The following POLN variants were observed in gnomAD, a reference collection of about 807,000 sequenced individuals.
The protein encoded by POLN is DNA polymerase nu.
POLN carries 108 observed loss-of-function variants against 113.5 expected under a neutral mutation model. The ratio of observed to expected loss-of-function variants is 0.95; its 90% CI spans 0.81 to 1.12. The LOEUF (loss-of-function observed/expected upper bound fraction) is 1.12, where lower values mean the gene tolerates loss of function less well. POLN is among the 50% of genes most tolerant of loss of function. The pLI is 0.00. For synonymous variants in POLN, 386 were observed against 391.5 expected, an observed-to-expected ratio of 0.99 and a Z score of 0.17; for missense variants, 1,097 against 1,077.1, an observed-to-expected ratio of 1.02 and a Z score of -0.26.
At chr4:2,155,420 G>T (rs1473453375) in intron 16 of POLN, among the ~76,000 whole-genome samples, 3 of 152,150 alleles carry the variant, frequency 2.0e-5, no homozygotes, top group Non-Finnish European at 4.4e-5. Flanking sequence ...GCACCCAAGA[G>T]GCCACACGAT....
intron 2 of POLN, chr4:2,232,295 G>T: frequency 4.1e-6 from 2 of 484,476 alleles, no homozygotes; most frequent in South Asian, 3.7e-5. Context: ...AATAAACCTC[G>T]ATTTAAAATC....
chr4:2,201,787 A>G (rs1011993671), intron 5 of POLN, among the ~76,000 whole-genome samples: 11 of 152,220 alleles, frequency 7.2e-5, no homozygotes, highest in African/African-American at 2.7e-4. Context: ...AAGAATCTTA[A>G]GAGCTATGAG....
At chr4:2,183,819 TTA>T (rs1210190100) in intron 7 of POLN, among the ~76,000 whole-genome samples, 2 of 152,160 alleles carry the variant, frequency 1.3e-5, no homozygotes, top group Non-Finnish European at 2.9e-5. Context: ...TGGTATGAAA[TTA>T]TATCTTAATA....
At chr4:2,105,281 T>C (rs1731035997) in intron 19 of POLN, among the ~76,000 whole-genome samples, 1 of 152,164 alleles carries the variant, frequency 6.6e-6, no homozygotes, top group African/African-American at 2.4e-5. Context: ...TTATCATCTC[T>C]ACCGATTTTT....
intron 4 of POLN, among the ~76,000 whole-genome samples, chr4:2,209,618 T>G (rs889946769): frequency 6.6e-6 from 1 of 151,574 alleles, no homozygotes; most frequent in African/African-American, 2.4e-5. Context: ...TAGGACTTAT[T>G]TACGATAACA....
chr4:2,213,093 T>C lies in POLN; in HGVS notation c.167A>G (p.Tyr56Cys), dbSNP rs772571333. The change falls in exon 4 of 26, where the codon TAT becomes TGT. Residue 56 changes from tyrosine (Y) to cysteine (C), a missense_variant. By Grantham distance (194) the Tyr-to-Cys change is radical (BLOSUM62 -2). Transcript: ENST00000511885. ...CTTCCTGTCTTCAAGTTGTACTGAA[T>C]ACTTAACACTGGACTTGTTTATCAC... ...MEVINKSSVKYSVQLEDRKTQ... is the reference protein window; with the variant it reads ...MEVINKSSVKCSVQLEDRKTQ... 3.8e-5 allele frequency: 61 copies of C among 1,610,408 alleles called. No homozygotes were observed. Among genetic ancestry groups the C allele is most frequent in the Non-Finnish European group, 4.9e-5 (58 of 1,178,818 alleles).
intron 7 of POLN, among the ~76,000 whole-genome samples, chr4:2,187,375 C>T (rs918566002): frequency 8.5e-5 from 13 of 152,136 alleles, no homozygotes; most frequent in African/African-American, 3.1e-4. Context: ...TCCCGAGTAT[C>T]TGGGATTACA....
chr4:2,138,320 C>T (rs1731910726), intron 16 of POLN, among the ~76,000 whole-genome samples: 1 of 152,174 alleles, frequency 6.6e-6, no homozygotes, highest in South Asian at 2.1e-4. Context: ...CATTAGTTAC[C>T]CCAAGAGCTC....
At chr4:2,178,875 G>A (rs989606437) in intron 8 of POLN, among the ~76,000 whole-genome samples, 1 of 152,156 alleles carries the variant, frequency 6.6e-6, no homozygotes, top group Non-Finnish European at 1.5e-5. Context: ...GCCTCCCAAA[G>A]TGCTGTGATT....
chr4:2,111,112 G>C (rs911568462), intron 19 of POLN, among the ~76,000 whole-genome samples: 15 of 152,120 alleles, frequency 9.9e-5, no homozygotes, highest in African/African-American at 3.6e-4. Context: ...ACATAATCCA[G>C]CATATAAACA....
intron 21 of POLN, 112 bp from the exon 22 acceptor site, chr4:2,081,855 G>A: frequency 2.4e-6 from 2 of 823,086 alleles, no homozygotes; most frequent in Non-Finnish European, 2.0e-6. Context: ...CTGCAGTGCA[G>A]ACTCCAAGCC....
intron 15 of POLN, 40 bp from the exon 16 acceptor site, chr4:2,156,893 G>T: frequency 5.3e-6 from 8 of 1,504,738 alleles, no homozygotes; most frequent in Non-Finnish European, 7.4e-6. Context: ...CTCCAGCAAT[G>T]CTATGTGAAG....
At chr4:2,114,134 A>G (rs1731263678) in intron 19 of POLN, among the ~76,000 whole-genome samples, 1 of 151,830 alleles carries the variant, frequency 6.6e-6, no homozygotes. Flanking sequence ...CCTGGACTCA[A>G]GTGACCCTCC....
At chr4:2,232,158 C>G in intron 2 of POLN, 2 of 1,425,948 alleles carry the variant, frequency 1.4e-6, no homozygotes, top group Non-Finnish European at 1.9e-6. Flanking sequence ...GCTCTGTTAA[C>G]TCCTAAAAAA....
rs546841438 is a variant in POLN, at chr4:2,072,303, C to T, written c.2518-4G>A. On this transcript the variant is annotated splice_polypyrimidine_tract_variant and splice_region_variant and intron_variant, in intron 25 of 25. Transcript: ENST00000511885. Reference sequence around the variant, plus strand: ...TCAGGCTCACCTTGAGGGGTACCTGCAGGTGGCAGCCAGAGGTGAGCCCCA... The same window carrying T: ...TCAGGCTCACCTTGAGGGGTACCTGTAGGTGGCAGCCAGAGGTGAGCCCCA... 9.6e-6 allele frequency: 15 copies of T among 1,555,448 alleles called. No individual in the cohort carries two copies. In the East Asian group the frequency reaches 3.2e-4, roughly 33 times the overall value.
chr4:2,240,219 A>T (rs750515994), intron 2 of POLN: 1 of 1,613,854 alleles, frequency 6.2e-7, no homozygotes, highest in South Asian at 1.1e-5. Flanking sequence ...TGGTGTCTGT[A>T]TATCTAAAAG....
chr4:2,101,260 T>C (rs1450718682), intron 19 of POLN, among the ~76,000 whole-genome samples: 1 of 151,964 alleles, frequency 6.6e-6, no homozygotes. Context: ...TACTAAGAAA[T>C]GTCTTTTTTT....
chr4:2,229,158 A>G lies in POLN; in HGVS notation c.74T>C (p.Met25Thr). ...TPLSSVAQKI[M>T]SAMHSGDLVD... The stretch of plus-strand genomic sequence containing the variant: ...TAAATCACCTGAATGCATAGCAGAC[A>G]TAATCTTCTGAGCAACACTGGAGAG... The change falls in exon 3 of 26, where the codon ATG (methionine) becomes ACG (threonine). Residue 25 changes from methionine (M) to threonine (T), a missense_variant. Transcript: ENST00000511885. 4 of 1,611,128 alleles carry G rather than the reference A, an allele frequency of 2.5e-6. No individual in the cohort carries two copies. The highest frequency in any genetic ancestry group is 3.4e-6 in the Non-Finnish European group (4 of 1,177,270).
At chr4:2,083,956 G>C (rs534189204) in intron 21 of POLN, among the ~76,000 whole-genome samples, 20 of 152,260 alleles carry the variant, frequency 1.3e-4, no homozygotes, top group Admixed American at 3.3e-4. Context: ...GGGACGGCCA[G>C]CGTCAGAGTG....
Sources: gnomAD v4.1 joint callset for allele counts (sites outside exome capture counted in the v4.1 genomes callset) on GRCh38, gnomAD v4.1.1 for gene constraint, MANE v1.5 for transcripts, NCBI Gene and HGNC (gene_info 2026-07-23, HGNC 2026-07-21) for gene names.